Variants in CAMTA1 observed in about 807,000 individuals in gnomAD.
CAMTA1 encodes the protein calmodulin binding transcription activator 1, also known as calmodulin-binding transcription activator 1.
CAMTA1 carries 27 observed loss-of-function variants against 170.9 expected under a neutral mutation model. That is an observed-to-expected ratio of 0.16 (90% CI 0.12 to 0.22). The LOEUF (loss-of-function observed/expected upper bound fraction) is 0.22, where lower values mean the gene tolerates loss of function less well. Ranked by LOEUF, CAMTA1 falls within the 10% of genes least tolerant of loss-of-function variation. The probability of loss-of-function intolerance (pLI) is 1.00; values close to 1 mark genes in which losing one functional copy is unlikely to be tolerated. For missense variants in CAMTA1, 1,619 were observed against 2,217.2 expected (o/e 0.73, Z 5.42); for synonymous variants, 833 against 891.5 (o/e 0.93, Z 1.17).
At chr1:7,329,058 T>G (rs1245792929) in intron 5 of CAMTA1, among the ~76,000 whole-genome samples, 1 of 152,204 alleles carries the variant, frequency 6.6e-6, no homozygotes, top group Non-Finnish European at 1.5e-5. Flanking sequence ...AAAATCAAAA[T>G]GCCTTAACTC....
chr1:7,328,372 G>A (rs1180342702), intron 5 of CAMTA1, among the ~76,000 whole-genome samples: 10 of 152,052 alleles, frequency 6.6e-5, no homozygotes, highest in African/African-American at 1.2e-4. Flanking sequence ...TTATGCTCCT[G>A]TAGTCCCAGC....
intron 4 of CAMTA1, among the ~76,000 whole-genome samples, chr1:7,118,960 G>A (rs574035221): frequency 2.1e-4 from 32 of 152,334 alleles, no homozygotes; most frequent in African/African-American, 7.7e-4. Flanking sequence ...CGTGCGGCAT[G>A]TGTAATGAAC....
intron 5 of CAMTA1, among the ~76,000 whole-genome samples, chr1:7,410,810 C>T (rs2090655793): frequency 6.6e-6 from 1 of 152,098 alleles, no homozygotes; most frequent in African/African-American, 2.4e-5. Context: ...GCGTTCTGGG[C>T]CCACACGGGG....
intron 4 of CAMTA1, among the ~76,000 whole-genome samples, chr1:7,127,247 C>CTTTTTTTTT (rs61211407): frequency 1.5e-4 from 11 of 73,498 alleles, no homozygotes; most frequent in African/African-American, 1.7e-4. Flanking sequence ...GCCAGAGGGG[C>CTTTTTTTTT]TTTTTTTTTT....
At chr1:7,228,891 G>A (rs1292400461) in intron 4 of CAMTA1, among the ~76,000 whole-genome samples, 1 of 152,180 alleles carries the variant, frequency 6.6e-6, no homozygotes, top group East Asian at 1.9e-4. Context: ...AGGGCACATT[G>A]TGCTGCTGGA....
chr1:7,239,714 A>G (rs1428451132), intron 4 of CAMTA1, among the ~76,000 whole-genome samples: 1 of 147,722 alleles, frequency 6.8e-6, no homozygotes, highest in South Asian at 2.1e-4. Flanking sequence ...TGTTGCTATA[A>G]TGGAATACTA....
At chr1:7,359,492 C>G (rs1003321003) in intron 5 of CAMTA1, among the ~76,000 whole-genome samples, 1 of 152,230 alleles carries the variant, frequency 6.6e-6, no homozygotes, top group Non-Finnish European at 1.5e-5. Context: ...GCCCATCCTC[C>G]TAGCACCACA....
chr1:7,621,663 G>T (rs763649751), intron 6 of CAMTA1, among the ~76,000 whole-genome samples: 2 of 152,298 alleles, frequency 1.3e-5, no homozygotes, highest in East Asian at 3.9e-4. Flanking sequence ...TACTTAAATC[G>T]CAAGGAAAGT....
At chr1:6,948,217 G>T (rs929954336) in intron 3 of CAMTA1, among the ~76,000 whole-genome samples, 4 of 152,204 alleles carry the variant, frequency 2.6e-5, no homozygotes, top group African/African-American at 9.7e-5. Flanking sequence ...GGCCAGAATT[G>T]CTGTGTACAG....
intron 5 of CAMTA1, among the ~76,000 whole-genome samples, chr1:7,337,098 G>T (rs956525614): frequency 6.6e-6 from 1 of 152,242 alleles, no homozygotes; most frequent in Non-Finnish European, 1.5e-5. Context: ...TGGGGGAGTT[G>T]CTTAGGCAGA....
In CAMTA1 at chr1:7,564,310, C is replaced by T. The variant is rs551422236; in HGVS notation, c.511-76090C>T. Among the ~76,000 whole-genome samples the T allele has an allele frequency of 6.8e-4, 104 of 152,338 alleles. 1 individual carries two copies. Among genetic ancestry groups the T allele is most frequent in the African/African-American group, 2.3e-3 (97 of 41,578 alleles). On this transcript the variant is annotated intron_variant, in intron 6 of 22. Coordinates refer to ENST00000303635, the MANE Select transcript of CAMTA1 (RefSeq NM_015215.4). ...AACTCAGCTCTAATCTTCCCCTTCC[C>T]GGAGACGGCGTGCTGTCTGGATTAT... is the stretch of plus-strand genomic sequence containing the variant.
At chr1:7,557,751 A>C (rs989581374) in intron 6 of CAMTA1, among the ~76,000 whole-genome samples, 63 of 152,234 alleles carry the variant, frequency 4.1e-4, no homozygotes, top group African/African-American at 1.5e-3. Context: ...TTAGCTGGAC[A>C]CAGTCCCTGA....
intron 9 of CAMTA1, among the ~76,000 whole-genome samples, chr1:7,666,434 G>A (rs1320550285): frequency 6.6e-6 from 1 of 152,176 alleles, no homozygotes; most frequent in Non-Finnish European, 1.5e-5. Flanking sequence ...ATCTGACTTT[G>A]AGAACCACTA....
In CAMTA1 at chr1:7,064,768, C is replaced by A. The variant is rs780068877; in HGVS notation, c.235-26536C>A. Among the ~76,000 whole-genome samples, 1 of 151,390 alleles carries A rather than the reference C, an allele frequency of 6.6e-6. No homozygotes were observed. Among genetic ancestry groups the A allele is most frequent in the African/African-American group, 2.4e-5 (1 of 41,128 alleles). ...TGGGGGAGGTGGCAGGAGTCCCATT[C>A]GGGGCATGGTGGGGGCTGTAGGAGG... On this transcript the variant is annotated intron_variant, in intron 3 of 22. Transcript: ENST00000303635. This position sits in a 1 kb window ranked among gnomAD's most constrained non-coding sequence, Gnocchi z 5.4.
At chr1:7,117,675 G>A (rs564277067) in intron 4 of CAMTA1, among the ~76,000 whole-genome samples, 2 of 152,268 alleles carry the variant, frequency 1.3e-5, no homozygotes, top group East Asian at 3.9e-4. Flanking sequence ...AGCAGAGGAC[G>A]GCCTCTGGCG....
At chr1:7,695,620 C>G (rs1419976041) in intron 11 of CAMTA1, among the ~76,000 whole-genome samples, 1 of 152,240 alleles carries the variant, frequency 6.6e-6, no homozygotes, top group East Asian at 1.9e-4. Flanking sequence ...GGGACAGCCT[C>G]CACTTCATTG....
At chr1:7,471,132 C>A (rs1417298189) in intron 6 of CAMTA1, among the ~76,000 whole-genome samples, 2 of 152,232 alleles carry the variant, frequency 1.3e-5, no homozygotes, top group Non-Finnish European at 2.9e-5. Flanking sequence ...GCTTCTGAGT[C>A]ATCGGGCTTT....
At position 7,665,135 on chromosome 1, in the gene CAMTA1, T is replaced by G. The variant is rs758034458; in HGVS notation, c.2588T>G (p.Met863Arg). The change falls in exon 9 of 23, where the codon ATG becomes AGG. Residue 863 changes from methionine (M) to arginine (R), a missense_variant. Physicochemically the swap from Met to Arg is moderately conservative, Grantham distance 91. This residue lies in a region of CAMTA1 where 731 missense variants were observed against 907.6 expected (regional missense o/e 0.81). Transcript: ENST00000303635. The surrounding 1 kb of genome is among the most constrained non-coding windows in gnomAD (Gnocchi z 4.3). Reference protein sequence around the residue: ...SAASAQGTLGMLQQSGRVFMV... With the variant: ...SAASAQGTLGRLQQSGRVFMV... ...GCCTCGGCCCAGGGCACCCTAGGCA[T>G]GCTGCAGCAGAGCGGACGGGTGTTC... 3 of 1,516,458 alleles carry G rather than the reference T, an allele frequency of 2.0e-6. No individual in the cohort carries two copies. The East Asian group carries it at 6.8e-5, about 34-fold the overall frequency. The allele number at this position is 1,516,458 out of a possible 1,614,324, so 93.9% of individuals were successfully genotyped here.
intron 5 of CAMTA1, among the ~76,000 whole-genome samples, chr1:7,305,013 T>C (rs1675367092): frequency 6.6e-6 from 1 of 152,112 alleles, no homozygotes; most frequent in Non-Finnish European, 1.5e-5. Context: ...ATTTAGAATG[T>C]ATTATGGTAG....
Sources: gnomAD v4.1 joint callset for allele counts (sites outside exome capture counted in the v4.1 genomes callset) on GRCh38, gnomAD v4.1.1 for gene constraint, gnomAD v4.1.1 regional missense constraint, Gnocchi (gnomAD v3.1) non-coding constraint, MANE v1.5 for transcripts, NCBI Gene and HGNC (gene_info 2026-07-23, HGNC 2026-07-21) for gene names.